The following BUB1 variants were observed in gnomAD, a reference collection of about 807,000 sequenced individuals.
The protein encoded by BUB1 is mitotic checkpoint serine/threonine-protein kinase BUB1.
BUB1 carries 84 observed loss-of-function variants against 135.2 expected under a neutral mutation model. That is an observed-to-expected ratio of 0.62 (90% confidence interval 0.52 to 0.74). The LOEUF (loss-of-function observed/expected upper bound fraction) is 0.74. Ranked by LOEUF, BUB1 falls within the 30% of genes least tolerant of loss-of-function variation. The pLI is 0.00. For missense variants in BUB1, 1,162 were observed against 1,288.3 expected (o/e 0.90, Z 1.50); for synonymous variants, 403 against 434.4 (o/e 0.93, Z 0.90).
chr2:110,651,094 TATC>T (rs1300894816), intron 17 of BUB1, among the ~76,000 whole-genome samples: 1 of 152,212 alleles, frequency 6.6e-6, no homozygotes, highest in Non-Finnish European at 1.5e-5. Context: ...GCGACACTAC[TATC>T]ATCAAGACTG....
intron 19 of BUB1, among the ~76,000 whole-genome samples, chr2:110,643,111 A>G (rs1414762046): frequency 6.6e-6 from 1 of 152,210 alleles, no homozygotes; most frequent in African/African-American, 2.4e-5. Context: ...TCATCACTCC[A>G]CCCTCACAGT....
chr2:110,660,096 C>T (rs923144444), intron 10 of BUB1, 60 bp from the exon 11 acceptor site: 15 of 1,434,198 alleles, frequency 1.0e-5, no homozygotes, highest in African/African-American at 1.4e-5. Flanking sequence ...AGGCTGGGTG[C>T]GGTGGTGGCT....
At chr2:110,670,239 A>G (rs1690384991) in intron 5 of BUB1, among the ~76,000 whole-genome samples, 1 of 150,744 alleles carries the variant, frequency 6.6e-6, no homozygotes, top group South Asian at 2.1e-4. Flanking sequence ...CCCGGGCTCA[A>G]GCAATTCTCC....
chr2:110,677,812 C>T (rs1235771926), intron 1 of BUB1, among the ~76,000 whole-genome samples, 158 bp downstream of exon 1: 2 of 152,212 alleles, frequency 1.3e-5, no homozygotes, highest in African/African-American at 2.4e-5. Flanking sequence ...GAGCCCTCCC[C>T]GGCTCTCAAG....
chr2:110,678,012 C>T lies in BUB1; in HGVS notation c.-17G>A. On this transcript the variant is annotated 5_prime_UTR_variant, in exon 1 of 25. Coordinates refer to ENST00000302759, the MANE Select transcript of BUB1 (RefSeq NM_004336.5). ...GGTGTCCATGGCCAGAGGACGCTGG[C>T]CGGCAGCGGCCAAACCTGAACCGCA... 1 of 1,601,974 alleles carries T rather than the reference C, an allele frequency of 6.2e-7. No homozygotes were observed. The highest frequency in any genetic ancestry group is 1.7e-5 in the Admixed American group (1 of 58,246).
At chr2:110,661,531 T>C (rs1281903213) in intron 10 of BUB1, 51 bp downstream of exon 10, 1 of 1,581,722 alleles carries the variant, frequency 6.3e-7, no homozygotes, top group South Asian at 1.2e-5. Context: ...GTAAAGAAGG[T>C]GACAGGTGCC....
chr2:110,673,399 A>G (rs953349910), intron 3 of BUB1, among the ~76,000 whole-genome samples: 1 of 152,230 alleles, frequency 6.6e-6, no homozygotes, highest in African/African-American at 2.4e-5. Flanking sequence ...GTAGCCAGTC[A>G]GGCAGAAGCA....
At position 110,673,891 on chromosome 2, in the gene BUB1, G is replaced by A. The variant is rs554330123; in HGVS notation, c.225+195C>T. Among the ~76,000 whole-genome samples, 50 of 152,216 alleles carry A rather than the reference G, an allele frequency of 3.3e-4. No individual in the cohort carries two copies. In the South Asian group the frequency reaches 9.7e-3, roughly 30 times the overall value. ...TGGGATTACAGGTGTGAGCCACTGC[G>A]CCCAGCCCCTACATACTTTTTAATC... On this transcript the variant is annotated intron_variant, in intron 3 of 24. Coordinates refer to ENST00000302759, the MANE Select transcript of BUB1 (RefSeq NM_004336.5).
intron 17 of BUB1, among the ~76,000 whole-genome samples, chr2:110,651,236 G>A (rs1689777226): frequency 6.6e-6 from 1 of 152,108 alleles, no homozygotes; most frequent in Non-Finnish European, 1.5e-5. Flanking sequence ...ACAATTCAGA[G>A]GACAGCATAT....
chr2:110,675,909 C>A (rs968508389), intron 1 of BUB1, among the ~76,000 whole-genome samples: 1 of 152,148 alleles, frequency 6.6e-6, no homozygotes, highest in African/African-American at 2.4e-5. Flanking sequence ...CCTTGGTCTC[C>A]CAAAGTGTTA....
intron 1 of BUB1, among the ~76,000 whole-genome samples, chr2:110,676,783 T>C (rs1049325320): frequency 2.0e-5 from 3 of 152,102 alleles, no homozygotes; most frequent in African/African-American, 7.2e-5. Context: ...TATAATAATG[T>C]AAATATTTAT....
rs1690292969 is a variant in BUB1 at position 110,667,575 on chromosome 2, A to G, written c.751T>C (p.Phe251Leu). The change falls in exon 8 of 25, where the codon TTT (phenylalanine) becomes CTT (leucine). Residue 251 changes from phenylalanine (F) to leucine (L), a missense_variant. Phe to Leu is a conservative substitution (Grantham distance 22, BLOSUM62 0). Coordinates refer to ENST00000302759, the MANE Select transcript of BUB1 (RefSeq NM_004336.5). ...TATTTCTGGGCTCTCAATTCTTCAA[A>G]GGAAAATTCTGATTCCCCACGAATA... ...KLIRGESEFS[F>L]EELRAQKYNQ... 6.2e-7 allele frequency: 1 copy of G among 1,614,000 alleles called. No homozygotes were observed. The highest frequency in any genetic ancestry group is 8.5e-7 in the Non-Finnish European group (1 of 1,179,968).
chr2:110,672,543 C>G (rs2104559045), intron 4 of BUB1, 118 bp downstream of exon 4: 5 of 1,096,824 alleles, frequency 4.6e-6, no homozygotes, highest in Non-Finnish European at 5.1e-6. Context: ...CCTGTATTAT[C>G]CACATTGTCC....
Position 110,641,791 on chromosome 2 carries a change from C to A in BUB1, c.2476G>T (p.Ala826Ser). 6.2e-7 allele frequency: 1 copy of A among 1,604,948 alleles called. No homozygotes were observed. Among genetic ancestry groups the A allele is most frequent in the Non-Finnish European group, 8.5e-7 (1 of 1,179,686 alleles). The change falls in exon 21 of 25, where the codon GCC becomes TCC. Residue 826 changes from alanine to serine, a missense_variant. Coordinates refer to ENST00000302759, the MANE Select transcript of BUB1 (RefSeq NM_004336.5). ...CCAATGTAGAATTCCCAGGGGTTGGCAGGCTTTTGGACCTGCAAATCAGGT... is the reference window on the plus strand; with the variant it reads ...CCAATGTAGAATTCCCAGGGGTTGGAAGGCTTTTGGACCTGCAAATCAGGT... Reference protein sequence around the residue: ...QKFVLKVQKPANPWEFYIGTQ... With the variant: ...QKFVLKVQKPSNPWEFYIGTQ...
intron 4 of BUB1, among the ~76,000 whole-genome samples, chr2:110,672,088 A>G (rs1690438712): frequency 6.6e-6 from 1 of 152,112 alleles, no homozygotes. Context: ...TTAGCTGGGC[A>G]TGGTGGCACG....
chr2:110,657,957 C>T (rs967417275), intron 13 of BUB1, among the ~76,000 whole-genome samples: 1 of 152,200 alleles, frequency 6.6e-6, no homozygotes, highest in African/African-American at 2.4e-5. Context: ...TTTCCATTTC[C>T]TTCAAGAAAG....
chr2:110,648,779 C>G lies in BUB1; in HGVS notation c.2347+455G>C, dbSNP rs922717795. ...TTGCTACCATTGTTTCCCACTCCCA[C>G]CTACAGCTAACTGTTTTAATTGTGG... On this transcript the variant is annotated intron_variant, in intron 19 of 24. Transcript: ENST00000302759. The surrounding 1 kb of genome is among the most constrained non-coding windows in gnomAD (Gnocchi z 4.2). 3 of 152,248 alleles carry G rather than the reference C, an allele frequency of 2.0e-5. No homozygotes were observed. Among genetic ancestry groups the G allele is most frequent in the African/African-American group, 7.2e-5 (3 of 41,462 alleles). The allele number at this position is 152,248 out of a possible 1,614,324, so 9.4% of individuals were successfully genotyped here. A position where few individuals can be genotyped will look rare whatever the true frequency, so the allele number is the denominator to read the frequency against.
At chr2:110,647,556 T>TAA (rs532404356) in intron 19 of BUB1, among the ~76,000 whole-genome samples, 1 of 147,456 alleles carries the variant, frequency 6.8e-6, no homozygotes, top group Non-Finnish European at 1.5e-5. Flanking sequence ...CACTTATGAT[T>TAA]AAAAAAAAAA....
chr2:110,662,511 C>A (rs1690126334), intron 9 of BUB1, among the ~76,000 whole-genome samples: 1 of 152,172 alleles, frequency 6.6e-6, no homozygotes, highest in African/African-American at 2.4e-5. Context: ...AAGAAAAACA[C>A]CAGCCAGGCA....
Sources: allele counts gnomAD v4.1 joint callset (sites outside exome capture counted in the v4.1 genomes callset), GRCh38; gene constraint gnomAD v4.1.1; non-coding constraint Gnocchi (gnomAD v3.1); transcripts MANE v1.5; gene names NCBI Gene and HGNC (gene_info 2026-07-23, HGNC 2026-07-21).